The following ZNF324B variants were observed in gnomAD, a reference collection of about 807,000 sequenced individuals.
ZNF324B encodes zinc finger protein 324B.
ZNF324B carries 7 observed loss-of-function variants against 10.6 expected under a neutral mutation model. That is an observed-to-expected ratio of 0.66 (90% CI 0.38 to 1.24). ZNF324B has a LOEUF of 1.24. Among genes scored for constraint, ZNF324B ranks in the 50% most tolerant of loss-of-function variants. The pLI, the probability that ZNF324B is intolerant of heterozygous loss-of-function variation, is 0.02. For synonymous variants in ZNF324B, 316 were observed against 321.0 expected (o/e 0.98, Z 0.17); for missense variants, 640 against 764.7 (o/e 0.84, Z 1.92).
chr19:58,451,768 G>T (rs2052859860), intron 1 of ZNF324B, 64 bp downstream of exon 1: 14 of 347,452 alleles, frequency 4.0e-5, no homozygotes, highest in South Asian at 2.8e-4. Context: ...GACGTGGTCG[G>T]CCCGGGGGCG....
the ZNF324B span, among the ~76,000 whole-genome samples, chr19:58,420,832 C>T: frequency 4.0e-5 from 6 of 151,514 alleles, no homozygotes; most frequent in East Asian, 1.9e-4. Context: ...CTCAGTCTCC[C>T]GAGTAGCTGG....
the ZNF324B span, chr19:58,434,980 G>A: frequency 1.9e-5 from 30 of 1,614,172 alleles, no homozygotes; most frequent in Middle Eastern, 6.6e-4. Context: ...GTGAAGGTTT[G>A]CATTCAACCA....
intron 3 of ZNF324B, chr19:58,454,646 G>C (rs2052895567): frequency 1.8e-6 from 1 of 562,894 alleles, no homozygotes; most frequent in African/African-American, 1.9e-5. Context: ...ATTTATCTTT[G>C]TATTCATCAA....
At chr19:58,447,488 A>G (rs2052833224), upstream of ZNF324B, among the ~76,000 whole-genome samples, 1 of 152,252 alleles carries the variant, frequency 6.6e-6, no homozygotes, top group African/African-American at 2.4e-5. Flanking sequence ...CTAAGTATTA[A>G]GTAATTAACA....
chr19:58,425,532 G>A, the ZNF324B span, among the ~76,000 whole-genome samples: 3 of 144,542 alleles, frequency 2.1e-5, no homozygotes, highest in South Asian at 4.3e-4. Flanking sequence ...GTGCAATGCC[G>A]TGATCTTGGC....
At chr19:58,442,987 TCC>T in the ZNF324B span, 2 of 32,050 alleles carry the variant, frequency 6.2e-5, no homozygotes, top group Non-Finnish European at 1.1e-4. Flanking sequence ...TGCTGATTGG[TCC>T]ATTATACAGA....
the ZNF324B span, chr19:58,435,115 G>A: frequency 2.2e-5 from 36 of 1,614,034 alleles, no homozygotes; most frequent in African/African-American, 4.7e-4. Context: ...AGCTTTCTTG[G>A]TGGAAGGATC....
the ZNF324B span, chr19:58,435,513 A>C: frequency 3.7e-6 from 1 of 271,504 alleles, no homozygotes; most frequent in Non-Finnish European, 7.0e-6. Context: ...TATGAAAAGA[A>C]GTTCAGCATC....
chr19:58,425,197 C>T, the ZNF324B span, among the ~76,000 whole-genome samples: 2 of 151,422 alleles, frequency 1.3e-5, no homozygotes, highest in Admixed American at 6.6e-5. Context: ...TGGAGCTTGC[C>T]GTGAGCCGAA....
chr19:58,437,031 T>TGA, the ZNF324B span: 1 of 1,614,172 alleles, frequency 6.2e-7, no homozygotes, highest in East Asian at 2.2e-5. Flanking sequence ...ATCACCATGC[T>TGA]GAGACAGGGC....
chr19:58,437,645 C>A, the ZNF324B span: 418 of 916,380 alleles, frequency 4.6e-4, 6 homozygotes, highest in South Asian at 0.018. Flanking sequence ...CTCCTCAGAC[C>A]ATACAGTTCT....
At chr19:58,433,295 C>T in the ZNF324B span, 6 of 1,579,412 alleles carry the variant, frequency 3.8e-6, no homozygotes, top group South Asian at 3.5e-5. Flanking sequence ...AAGATTTTCT[C>T]ACAAAGACCA....
Position 58,456,531 on chromosome 19 carries a change from G to A in ZNF324B, c.1587G>A (p.Val529=). The A allele has an allele frequency of 6.2e-7, 1 of 1,614,194 alleles. No homozygotes were observed. Among genetic ancestry groups the A allele is most frequent in the Non-Finnish European group, 8.5e-7 (1 of 1,180,028 alleles). ...PGFLQGHHRK[V]RRGGKPSPVL... is the part of the protein sequence containing the mutation. ...TCCTTCAGGGACATCATCGGAAGGT[G>A]CGCCGGGGAGGGAAGCCAAGCCCAG... Residue 529 remains valine, a synonymous_variant, in exon 4 of 4, where the codon GTG becomes GTA. Transcript: ENST00000336614. The surrounding 1 kb of genome is among the most constrained non-coding windows in gnomAD (Gnocchi z 4.7).
At chr19:58,434,223 TTGAC>T in the ZNF324B span, 43 of 1,613,846 alleles carry the variant, frequency 2.7e-5, no homozygotes, top group Non-Finnish European at 3.6e-5. Flanking sequence ...ATTTACCACA[TTGAC>T]TGCACTCATA....
chr19:58,453,774 C>T lies in ZNF324B; in HGVS notation c.73C>T (p.Leu25=). Reference sequence around the variant, plus strand: ...GCTCCTGGACACAGCGCAGAGGGCCCTGTACCGCCACGTGATGCTGGAAAA... The same window carrying T: ...GCTCCTGGACACAGCGCAGAGGGCCTTGTACCGCCACGTGATGCTGGAAAA... ...WGLLDTAQRA[L]YRHVMLENFT... is the part of the protein sequence containing the mutation. The change falls in exon 2 of 4, where the codon CTG becomes TTG. Residue 25 remains leucine, a synonymous_variant. Coordinates refer to ENST00000336614, the MANE Select transcript of ZNF324B (RefSeq NM_207395.3). 6.2e-7 allele frequency: 1 copy of T among 1,614,186 alleles called. No homozygotes were observed. Among genetic ancestry groups the T allele is most frequent in the Non-Finnish European group, 8.5e-7 (1 of 1,180,028 alleles).
chr19:58,436,643 G>C, the ZNF324B span, among the ~76,000 whole-genome samples: 5 of 148,226 alleles, frequency 3.4e-5, no homozygotes, highest in Non-Finnish European at 7.4e-5. Flanking sequence ...ACTCCAGCCT[G>C]GGGGACAGAG....
chr19:58,438,752 C>T, the ZNF324B span, among the ~76,000 whole-genome samples: 123 of 147,000 alleles, frequency 8.4e-4, no homozygotes, highest in Non-Finnish European at 1.6e-3. Flanking sequence ...GGATTACAGG[C>T]GTGAGCCACC....
the ZNF324B span, chr19:58,434,544 A>G: frequency 6.2e-7 from 1 of 1,614,178 alleles, no homozygotes; most frequent in Non-Finnish European, 8.5e-7. Flanking sequence ...ATGAGTGACT[A>G]AAGGCCTTCC....
In ZNF324B at chr19:58,457,503, G is replaced by A. The variant is rs1453588600; in HGVS notation, c.*924G>A. 1.3e-5 allele frequency: 2 copies of A among 151,416 alleles called. No homozygotes were observed. The highest frequency in any genetic ancestry group is 1.9e-4 in the East Asian group (1 of 5,152). 9.4% of individuals were successfully genotyped at this position (151,416 alleles called of 1,614,324 possible). On this transcript the variant is annotated 3_prime_UTR_variant, in exon 4 of 4. Coordinates refer to ENST00000336614, the MANE Select transcript of ZNF324B (RefSeq NM_207395.3). The stretch of plus-strand genomic sequence containing the variant: ...GCTGCTCATTTTTGCTGGATTTGGT[G>A]GCCGATCCCCGCCCCCACCCCCACC...
Sources: gnomAD v4.1 joint callset for allele counts (sites outside exome capture counted in the v4.1 genomes callset) on GRCh38, gnomAD v4.1.1 for gene constraint, Gnocchi (gnomAD v3.1) non-coding constraint, MANE v1.5 for transcripts, NCBI Gene and HGNC (gene_info 2026-07-23, HGNC 2026-07-21) for gene names.